Variants in NOXRED1 observed in about 807,000 individuals in gnomAD.
The protein encoded by NOXRED1 is NADP dependent oxidoreductase domain containing 1.
NOXRED1 carries 20 observed loss-of-function variants against 30.4 expected under a neutral mutation model. The ratio of observed to expected loss-of-function variants is 0.66; its 90% CI spans 0.46 to 0.96. The LOEUF (loss-of-function observed/expected upper bound fraction) is 0.96, where lower values mean the gene tolerates loss of function less well. Ranked by LOEUF, NOXRED1 falls within the 40% of genes least tolerant of loss-of-function variation. The pLI is 0.00. For missense variants in NOXRED1, 374 were observed against 428.0 expected (o/e 0.87, Z 1.11); for synonymous variants, 155 against 168.0 (o/e 0.92, Z 0.60).
intron 2 of NOXRED1, among the ~76,000 whole-genome samples, 164 bp downstream of exon 2, chr14:77,413,770 G>A (rs957650889): frequency 6.6e-6 from 1 of 152,192 alleles, no homozygotes; most frequent in African/African-American, 2.4e-5. Context: ...TCGCTTTAAA[G>A]AACAGGAGAA....
At chr14:77,413,817 C>A in intron 2 of NOXRED1, 117 bp downstream of exon 2, 10 of 614,942 alleles carry the variant, frequency 1.6e-5, no homozygotes, top group Non-Finnish European at 2.6e-5. Flanking sequence ...GGCTAGCAAG[C>A]TGAGAACTCC....
chr14:77,400,020 A>G (rs1050345413), intron 5 of NOXRED1, among the ~76,000 whole-genome samples: 17 of 152,308 alleles, frequency 1.1e-4, no homozygotes, highest in African/African-American at 4.1e-4. Context: ...AAGATAAGAA[A>G]GCTGATTTTT....
chr14:77,415,955 T>C (rs1441373925), intron 1 of NOXRED1, among the ~76,000 whole-genome samples: 1 of 152,090 alleles, frequency 6.6e-6, no homozygotes, highest in Non-Finnish European at 1.5e-5. Context: ...CTTCAAGTGA[T>C]CCGCCCACCT....
In NOXRED1 at chr14:77,406,045, A is replaced by T; in HGVS notation, c.773T>A (p.Val258Glu). The T allele has an allele frequency of 6.2e-7, 1 of 1,613,842 alleles. No homozygotes were observed. Among genetic ancestry groups the T allele is most frequent in the Non-Finnish European group, 8.5e-7 (1 of 1,179,782 alleles). Residue 258 changes from valine (V) to glutamate (E), a missense_variant, in exon 5 of 6, where the codon GTG becomes GAG. By Grantham distance (121) the Val-to-Glu change is moderately radical. Coordinates refer to ENST00000380835, the MANE Select transcript of NOXRED1 (RefSeq NM_001113475.3). Reference protein sequence around the residue: ...CTARNMAHSQVLQLLSELFLS... With the variant: ...CTARNMAHSQELQLLSELFLS... Reference sequence around the variant, plus strand: ...AAAGAGTTCACTCAGAAGCTGCAGCACTTGGGAGTGGGCCATGTTTCTTGC... The same window carrying T: ...AAAGAGTTCACTCAGAAGCTGCAGCTCTTGGGAGTGGGCCATGTTTCTTGC...
At chr14:77,424,266 C>T (rs544884663), upstream of NOXRED1, among the ~76,000 whole-genome samples, 6 of 152,222 alleles carry the variant, frequency 3.9e-5, no homozygotes, top group African/African-American at 1.2e-4. Flanking sequence ...CTGACTAACA[C>T]GGTGAAACCC....
Position 77,406,046 on chromosome 14 carries a change from C to G in NOXRED1, c.772G>C (p.Val258Leu). The G allele has an allele frequency of 6.2e-7, 1 of 1,613,932 alleles. No homozygotes were observed. The highest frequency in any genetic ancestry group is 8.5e-7 in the Non-Finnish European group (1 of 1,179,840). ...AAGAGTTCACTCAGAAGCTGCAGCA[C>G]TTGGGAGTGGGCCATGTTTCTTGCT... ...CTARNMAHSQ[V>L]LQLLSELFLS... Residue 258 changes from valine (V) to leucine (L), a missense_variant, in exon 5 of 6, where the codon GTG becomes CTG. Transcript: ENST00000380835.
intron 1 of NOXRED1, among the ~76,000 whole-genome samples, chr14:77,414,831 A>G (rs1008098806): frequency 6.6e-6 from 1 of 151,794 alleles, no homozygotes; most frequent in African/African-American, 2.4e-5. Flanking sequence ...CAGTCCCCTC[A>G]TGTTTTGTTT....
intron 5 of NOXRED1, among the ~76,000 whole-genome samples, chr14:77,403,886 T>C (rs1894389367): frequency 6.6e-6 from 1 of 152,040 alleles, no homozygotes; most frequent in African/African-American, 2.4e-5. Flanking sequence ...TGAAAGACAA[T>C]GAAGCAATGC....
chr14:77,406,744 G>A lies in NOXRED1; in HGVS notation c.662C>T (p.Thr221Ile). ...ALQDPTILQATCPYSPAGGII... is the reference protein window; with the variant it reads ...ALQDPTILQAICPYSPAGGII... ...GTGACCAGCAGGACTGTAGGGACAG[G>A]TAGCTTGAAGAATCGTAGGATCTTG... Residue 221 changes from threonine to isoleucine, a missense_variant, in exon 4 of 6, where the codon ACC (threonine) becomes ATC (isoleucine). Transcript: ENST00000380835. 6.2e-7 allele frequency: 1 copy of A among 1,614,118 alleles called. No homozygotes were observed.
intron 1 of NOXRED1, 100 bp downstream of exon 1, chr14:77,422,635 C>A: frequency 8.6e-7 from 1 of 1,161,110 alleles, no homozygotes; most frequent in Non-Finnish European, 1.3e-6. Context: ...TGACAATCCA[C>A]CAGCCAAACT....
At position 77,406,632 on chromosome 14, in the gene NOXRED1, CACAGAGAG is replaced by C. The variant is rs1046245624; in HGVS notation, c.682+84_682+91del. 3.1e-5 allele frequency: 13 copies of C among 421,532 alleles called. No individual in the cohort carries two copies. In the African/African-American group the frequency reaches 5.7e-4, roughly 19 times the overall value. 26.1% of individuals were successfully genotyped at this position (421,532 alleles called of 1,614,324 possible). On this transcript the variant is annotated intron_variant, in intron 4 of 5. Coordinates refer to ENST00000380835, the MANE Select transcript of NOXRED1 (RefSeq NM_001113475.3). ...ACACACACACACACACACACACACA[CACAGAGAG>C]AGAGAGATTGATTTAATAAGATAGC...
chr14:77,422,649 C>T, intron 1 of NOXRED1, 86 bp downstream of exon 1: 1 of 1,325,220 alleles, frequency 7.5e-7, no homozygotes, highest in Non-Finnish European at 1.1e-6. Flanking sequence ...CCAAACTTAC[C>T]CTCCAATATA....
chr14:77,405,848 A>G, intron 5 of NOXRED1, 65 bp downstream of exon 5: 1 of 959,278 alleles, frequency 1.0e-6, no homozygotes, highest in East Asian at 2.4e-5. Flanking sequence ...GATAAAAGAA[A>G]AAAAGCATTA....
chr14:77,416,077 C>T (rs1894814058), intron 1 of NOXRED1, among the ~76,000 whole-genome samples: 1 of 152,174 alleles, frequency 6.6e-6, no homozygotes, highest in Non-Finnish European at 1.5e-5. Context: ...ACTTTCTGTT[C>T]CACTACTTTA....
chr14:77,422,921 A>G lies in NOXRED1; in HGVS notation c.-32T>C. The G allele has an allele frequency of 6.3e-7, 1 of 1,591,490 alleles. No individual in the cohort carries two copies. The highest frequency in any genetic ancestry group is 8.6e-7 in the Non-Finnish European group (1 of 1,168,300). ...GCCACTATTTCCTGCAGTGATAGAC[A>G]CTAATCAATTTGGCTCCCTGTCCCG... On this transcript the variant is annotated 5_prime_UTR_variant, in exon 1 of 6. Coordinates refer to ENST00000380835, the MANE Select transcript of NOXRED1 (RefSeq NM_001113475.3).
rs1895031553 is a variant in NOXRED1, at chr14:77,422,756, C to A, written c.134G>T (p.Cys45Phe). The A allele has an allele frequency of 6.2e-7, 1 of 1,614,120 alleles. No individual in the cohort carries two copies. The change falls in exon 1 of 6, where the codon TGC becomes TTC. Residue 45 changes from cysteine (C) to phenylalanine (F), a missense_variant. Transcript: ENST00000380835. ...IEACAHATFFCKLLYNLRASL... is the reference protein window; with the variant it reads ...IEACAHATFFFKLLYNLRASL... ...TTACCTCAAATTATATAATAGTTTG[C>A]AGAAGAAGGTTGCATGGGCACAAGC...
intron 5 of NOXRED1, among the ~76,000 whole-genome samples, chr14:77,403,076 T>G (rs1432909982): frequency 1.3e-5 from 2 of 151,872 alleles, no homozygotes; most frequent in Admixed American, 1.3e-4. Context: ...ACAGGAAAAC[T>G]ATATAGTTTA....
At chr14:77,412,953 T>C (rs1158300951) in intron 2 of NOXRED1, among the ~76,000 whole-genome samples, 1 of 152,040 alleles carries the variant, frequency 6.6e-6, no homozygotes, top group Non-Finnish European at 1.5e-5. Flanking sequence ...GAGTAGATTA[T>C]AGGTAGTTGT....
chr14:77,409,061 C>T (rs1401005665), intron 2 of NOXRED1, among the ~76,000 whole-genome samples: 1 of 151,900 alleles, frequency 6.6e-6, no homozygotes, highest in African/African-American at 2.4e-5. Flanking sequence ...TGTTCACTCA[C>T]ATCTGGTGGT....
Sources: allele counts gnomAD v4.1 joint callset (sites outside exome capture counted in the v4.1 genomes callset), GRCh38; gene constraint gnomAD v4.1.1; transcripts MANE v1.5; gene names NCBI Gene and HGNC (gene_info 2026-07-23, HGNC 2026-07-21).